NRXN3: variants seen among roughly 807,000 people sequenced by gnomAD.
NRXN3 encodes neurexin 3.
NRXN3 carries 32 observed loss-of-function variants against 137.6 expected under a neutral mutation model. The observed-to-expected ratio is 0.23, with a 90% CI of 0.18 to 0.31. NRXN3 has a LOEUF of 0.31. NRXN3 is among the 10% of genes least tolerant of loss of function. NRXN3 has a pLI of 1.00. For synonymous variants in NRXN3, 798 were observed against 784.5 expected (o/e 1.02, Z -0.29); for missense variants, 1,574 against 2,062.5 (o/e 0.76, Z 4.59).
At chr14:78,533,047 T>G (rs1389960586) in intron 4 of NRXN3, among the ~76,000 whole-genome samples, 1 of 151,166 alleles carries the variant, frequency 6.6e-6, no homozygotes, top group African/African-American at 2.4e-5. Flanking sequence ...TGTTTCTTAC[T>G]ATGCCACTAC....
intron 19 of NRXN3, among the ~76,000 whole-genome samples, chr14:79,725,937 A>G (rs1417832625): frequency 6.6e-6 from 1 of 152,146 alleles, no homozygotes; most frequent in East Asian, 1.9e-4. Context: ...AATCTGATTC[A>G]TATCTCTACC....
At chr14:79,469,063 T>C (rs1435496607) in intron 16 of NRXN3, among the ~76,000 whole-genome samples, 4 of 152,240 alleles carry the variant, frequency 2.6e-5, no homozygotes, top group African/African-American at 9.6e-5. Flanking sequence ...TATAACTTAA[T>C]GACTATTTCA....
chr14:79,480,742 G>T (rs939910075), intron 16 of NRXN3, among the ~76,000 whole-genome samples: 1 of 152,044 alleles, frequency 6.6e-6, no homozygotes, highest in African/African-American at 2.4e-5. Flanking sequence ...GTTTAGCACC[G>T]TCCCCCTAGT....
At chr14:79,418,336 G>A (rs2095527653) in intron 15 of NRXN3, among the ~76,000 whole-genome samples, 1 of 152,124 alleles carries the variant, frequency 6.6e-6, no homozygotes, top group South Asian at 2.1e-4. Flanking sequence ...ATACAAGAGT[G>A]GAAACCGTGT....
intron 6 of NRXN3, among the ~76,000 whole-genome samples, chr14:78,682,087 C>T (rs951321427): frequency 3.3e-5 from 5 of 152,130 alleles, no homozygotes; most frequent in African/African-American, 7.2e-5. Flanking sequence ...AGGATGATCT[C>T]GATCTCTTGA....
At chr14:79,818,066 T>G (rs1276687873) in intron 20 of NRXN3, among the ~76,000 whole-genome samples, 1 of 144,680 alleles carries the variant, frequency 6.9e-6, no homozygotes, top group African/African-American at 2.6e-5. Flanking sequence ...TTTTTTTTTT[T>G]TTTTTTTGAG....
At chr14:79,814,477 C>T (rs971979717) in intron 20 of NRXN3, among the ~76,000 whole-genome samples, 1 of 152,194 alleles carries the variant, frequency 6.6e-6, no homozygotes, top group Non-Finnish European at 1.5e-5. Context: ...TGGTTTGCAT[C>T]TGGAAGTCAT....
chr14:79,234,900 G>C (rs2073105928), intron 15 of NRXN3, among the ~76,000 whole-genome samples: 1 of 152,026 alleles, frequency 6.6e-6, no homozygotes, highest in African/African-American at 2.4e-5. Context: ...AATCTAGGTT[G>C]GGGAAATCTA....
At chr14:79,831,587 T>TAG (rs2099323795) in intron 20 of NRXN3, among the ~76,000 whole-genome samples, 1 of 152,192 alleles carries the variant, frequency 6.6e-6, no homozygotes, top group Non-Finnish European at 1.5e-5. Flanking sequence ...TAGCTTCACT[T>TAG]AGTATGCCTG....
rs190504070 is a variant in NRXN3, at chr14:79,334,746, G to C, written c.3263-132475G>C. Among the ~76,000 whole-genome samples the C allele has an allele frequency of 4.9e-4, 74 of 152,256 alleles. 1 individual carries two copies. Among genetic ancestry groups the C allele is most frequent in the African/African-American group, 1.7e-3 (69 of 41,564 alleles). On this transcript the variant is annotated intron_variant, in intron 15 of 20. Transcript: ENST00000335750. ...ATATTAGTGTGGTAGTGGCAAGCGTGCTACATTATTATGATGTCCTCGGCC... is the reference window on the plus strand; with the variant it reads ...ATATTAGTGTGGTAGTGGCAAGCGTCCTACATTATTATGATGTCCTCGGCC...
intron 4 of NRXN3, among the ~76,000 whole-genome samples, chr14:78,574,945 T>G (rs1325373141): frequency 6.6e-6 from 1 of 152,184 alleles, no homozygotes; most frequent in Non-Finnish European, 1.5e-5. Flanking sequence ...AATCTCACCT[T>G]GAATTATAAT....
chr14:78,669,723 A>G (rs1291789946), intron 6 of NRXN3, among the ~76,000 whole-genome samples: 1 of 151,990 alleles, frequency 6.6e-6, no homozygotes, highest in East Asian at 1.9e-4. Flanking sequence ...TCCTTTTTAG[A>G]CCATATAGGG....
intron 4 of NRXN3, among the ~76,000 whole-genome samples, chr14:78,319,227 G>A (rs1338652077): frequency 4.6e-5 from 7 of 152,216 alleles, no homozygotes; most frequent in Non-Finnish European, 8.8e-5. Flanking sequence ...AGGCAACCAC[G>A]CAAGTGCCTG....
intron 15 of NRXN3, among the ~76,000 whole-genome samples, chr14:78,994,059 T>G (rs999846991): frequency 6.6e-6 from 1 of 151,866 alleles, no homozygotes; most frequent in Non-Finnish European, 1.5e-5. Flanking sequence ...TTTCACCTTG[T>G]TGGCCAGGCT....
intron 4 of NRXN3, among the ~76,000 whole-genome samples, chr14:78,447,930 C>A (rs915602316): frequency 6.6e-6 from 1 of 152,166 alleles, no homozygotes; most frequent in Non-Finnish European, 1.5e-5. Context: ...CAGTAGTTGT[C>A]ATTGTTATTC....
intron 19 of NRXN3, among the ~76,000 whole-genome samples, chr14:79,701,728 A>G (rs2098755375): frequency 6.6e-6 from 1 of 152,068 alleles, no homozygotes; most frequent in Non-Finnish European, 1.5e-5. Context: ...AGGAGGAGAC[A>G]TAAATATCAC....
chr14:79,431,872 A>G (rs2095761663), intron 15 of NRXN3, among the ~76,000 whole-genome samples: 1 of 151,978 alleles, frequency 6.6e-6, no homozygotes, highest in African/African-American at 2.4e-5. Context: ...CTATCTTTTT[A>G]CTCCATTAAT....
intron 8 of NRXN3, among the ~76,000 whole-genome samples, chr14:78,777,716 TG>T (rs546613647): frequency 2.6e-5 from 4 of 152,074 alleles, no homozygotes; most frequent in Admixed American, 2.0e-4. Flanking sequence ...AAAAATTAGG[TG>T]GTGCCTTTGG....
intron 15 of NRXN3, among the ~76,000 whole-genome samples, chr14:79,367,803 G>A (rs915999498): frequency 3.3e-5 from 5 of 152,152 alleles, no homozygotes; most frequent in African/African-American, 7.2e-5. Context: ...AAGAAAGCTT[G>A]TAATGATGTT....
Sources: gnomAD v4.1 joint callset for allele counts (sites outside exome capture counted in the v4.1 genomes callset) on GRCh38, gnomAD v4.1.1 for gene constraint, MANE v1.5 for transcripts, NCBI Gene and HGNC (gene_info 2026-07-23, HGNC 2026-07-21) for gene names.